The following ENTREP3 variants were observed in gnomAD, a reference collection of about 807,000 sequenced individuals.
ENTREP3 encodes protein ENTREP3.
the ENTREP3 span, chr1:155,254,812 G>T: frequency 6.2e-7 from 1 of 1,610,114 alleles, no homozygotes. The surrounding 1 kb of genome is among the most constrained non-coding windows in gnomAD (Gnocchi z 4.4). Context: ...GGCGGAGGTG[G>T]GTAAGGCCCC....
chr1:155,248,913 A>T, the ENTREP3 span, among the ~76,000 whole-genome samples: 2 of 151,772 alleles, frequency 1.3e-5, no homozygotes, highest in East Asian at 3.9e-4. Context: ...TGGGGGTTTC[A>T]CCATGTTGGC....
the ENTREP3 span, chr1:155,254,601 A>T: frequency 6.4e-7 from 1 of 1,573,156 alleles, no homozygotes; most frequent in Admixed American, 1.7e-5. This position sits in a 1 kb window ranked among gnomAD's most constrained non-coding sequence, Gnocchi z 4.4. Flanking sequence ...GCTGGTGTGG[A>T]GGGTGGGGCC....
chr1:155,251,191 C>A, the ENTREP3 span: 1 of 1,548,424 alleles, frequency 6.5e-7, no homozygotes, highest in South Asian at 1.2e-5. Context: ...GTCAAGGGTT[C>A]AGCCCTACAC....
chr1:155,255,278 G>A, the ENTREP3 span: 1 of 264,262 alleles, frequency 3.8e-6, no homozygotes. This position sits in a 1 kb window ranked among gnomAD's most constrained non-coding sequence, Gnocchi z 5.6. Flanking sequence ...TAAGTCTAGA[G>A]AAGAGGGGAG....
chr1:155,247,975 A>G, the ENTREP3 span: 2 of 1,608,444 alleles, frequency 1.2e-6, no homozygotes, highest in Non-Finnish European at 1.7e-6. Flanking sequence ...GACACAAGAA[A>G]GGGCATCATC....
chr1:155,249,841 G>A, the ENTREP3 span, among the ~76,000 whole-genome samples: 1 of 149,654 alleles, frequency 6.7e-6, no homozygotes, highest in South Asian at 2.1e-4. Context: ...AGCCCAGATC[G>A]CGCGGCTGCA....
the ENTREP3 span, chr1:155,250,432 C>T: frequency 1.3e-5 from 19 of 1,489,992 alleles, no homozygotes; most frequent in South Asian, 2.6e-5. The surrounding 1 kb of genome is among the most constrained non-coding windows in gnomAD (Gnocchi z 5.4). Flanking sequence ...GGCGGGGCTG[C>T]GGCTGGGCGG....
chr1:155,251,991 T>G, the ENTREP3 span: 2 of 986,110 alleles, frequency 2.0e-6, no homozygotes, highest in Non-Finnish European at 2.8e-6. Context: ...TCATCTACAT[T>G]ATTTTTTCTG....
At chr1:155,252,260 C>T in the ENTREP3 span, among the ~76,000 whole-genome samples, 11 of 151,742 alleles carry the variant, frequency 7.2e-5, no homozygotes, top group South Asian at 2.1e-4. Context: ...TGCAGTGGCG[C>T]GATCTCAGCT....
chr1:155,250,626 T>G, the ENTREP3 span: 6 of 1,610,244 alleles, frequency 3.7e-6, no homozygotes, highest in Non-Finnish European at 5.1e-6. This position sits in a 1 kb window ranked among gnomAD's most constrained non-coding sequence, Gnocchi z 5.4. Context: ...GGGGCTTTCC[T>G]CGAAGGGGCC....
the ENTREP3 span, chr1:155,248,219 C>A: frequency 6.2e-7 from 1 of 1,608,110 alleles, no homozygotes. Context: ...GGGCACAGGG[C>A]GCCGTTTCTC....
the ENTREP3 span, chr1:155,251,062 G>GT: frequency 6.3e-7 from 1 of 1,577,980 alleles, no homozygotes; most frequent in Non-Finnish European, 8.7e-7. Flanking sequence ...TGGCAGCCCC[G>GT]CCCTTGTCCA....
At chr1:155,247,808 C>T in the ENTREP3 span, 3 of 1,468,320 alleles carry the variant, frequency 2.0e-6, no homozygotes, top group Non-Finnish European at 2.7e-6. Context: ...CGGCTGCCCC[C>T]GTTGAGGCTG....
At chr1:155,247,803 G>A in the ENTREP3 span, 2 of 1,465,458 alleles carry the variant, frequency 1.4e-6, no homozygotes, top group Non-Finnish European at 1.8e-6. Context: ...TCTCCCGGCT[G>A]CCCCCGTTGA....
the ENTREP3 span, chr1:155,250,382 AC>A: frequency 4.6e-6 from 5 of 1,094,586 alleles, no homozygotes; most frequent in Non-Finnish European, 6.2e-6. The surrounding 1 kb of genome is among the most constrained non-coding windows in gnomAD (Gnocchi z 5.4). Context: ...GGGTGAGGGA[AC>A]CTGAGCTATC....
At chr1:155,250,639 G>T in the ENTREP3 span, 3 of 1,610,994 alleles carry the variant, frequency 1.9e-6, no homozygotes, top group African/African-American at 4.0e-5. This position sits in a 1 kb window ranked among gnomAD's most constrained non-coding sequence, Gnocchi z 5.4. Context: ...AAGGGGCCCC[G>T]CAGGCCACAG....
chr1:155,247,991 G>A, the ENTREP3 span: 51 of 1,612,432 alleles, frequency 3.2e-5, no homozygotes, highest in Admixed American at 6.5e-4. Context: ...TCATCAATAA[G>A]GCTCAATCTG....
At chr1:155,247,855 C>T in the ENTREP3 span, 1 of 1,508,156 alleles carries the variant, frequency 6.6e-7, no homozygotes. Context: ...CAGCCTGCGG[C>T]CAGACAGGAG....
chr1:155,250,322 C>A, the ENTREP3 span: 1 of 1,547,792 alleles, frequency 6.5e-7, no homozygotes, highest in Admixed American at 2.0e-5. The surrounding 1 kb of genome is among the most constrained non-coding windows in gnomAD (Gnocchi z 5.4). Flanking sequence ...GGGACCGTGG[C>A]AGCAGCAGCG....
Sources: gnomAD v4.1 joint callset for allele counts (sites outside exome capture counted in the v4.1 genomes callset) on GRCh38, gnomAD v4.1.1 for gene constraint, Gnocchi (gnomAD v3.1) non-coding constraint, MANE v1.5 for transcripts, NCBI Gene and HGNC (gene_info 2026-07-23, HGNC 2026-07-21) for gene names.